SYCP2L: variants seen among roughly 807,000 people sequenced by gnomAD.
SYCP2L encodes the protein synaptonemal complex protein 2-like.
SYCP2L carries 98 observed loss-of-function variants against 125.8 expected under a neutral mutation model. The ratio of observed to expected loss-of-function variants is 0.78; its 90% CI spans 0.66 to 0.92. SYCP2L has a LOEUF of 0.92. Among genes scored for constraint, SYCP2L ranks in the 40% least tolerant of loss-of-function variants. The pLI is 0.00. For synonymous variants in SYCP2L, 317 were observed against 325.4 expected, an observed-to-expected ratio of 0.97 and a Z score of 0.28; for missense variants, 842 against 936.4, an observed-to-expected ratio of 0.90 and a Z score of 1.32.
chr6:10,891,613 C>CTGTGTG (rs3066124), intron 2 of SYCP2L, 32 bp downstream of exon 2: 66 of 119,474 alleles, frequency 5.5e-4, no homozygotes, highest in African/African-American at 2.2e-3. Context: ...TAATCTCTCT[C>CTGTGTG]TGTGTGTGTG....
intron 29 of SYCP2L, among the ~76,000 whole-genome samples, chr6:10,970,107 A>AAG (rs1781746278): frequency 6.6e-6 from 1 of 152,182 alleles, no homozygotes; most frequent in Non-Finnish European, 1.5e-5. Context: ...CACTGTGGAT[A>AAG]AGAGAGAGAC....
chr6:10,956,292 C>A, intron 25 of SYCP2L, 50 bp downstream of exon 25: 1 of 1,354,672 alleles, frequency 7.4e-7, no homozygotes, highest in Non-Finnish European at 1.0e-6. Flanking sequence ...ATCTGGAGGA[C>A]ATTATGCTAA....
At chr6:10,963,729 G>A in intron 28 of SYCP2L, 53 bp from the exon 29 acceptor site, 1 of 1,580,664 alleles carries the variant, frequency 6.3e-7, no homozygotes, top group Admixed American at 1.7e-5. Context: ...GTATGTTCTT[G>A]TTTTTAAATT....
In SYCP2L at chr6:10,910,841, G is replaced by C; in HGVS notation, c.890G>C (p.Cys297Ser). The stretch of plus-strand genomic sequence containing the variant: ...TTTTGCAGGGTGTATTCATTTCCGT[G>C]TATTGCTGCTTTTGCTGATGAGCAT... ...GDQRRVYSFP[C>S]IAAFADEHEM... is the part of the protein sequence containing the mutation. The change falls in exon 12 of 30, where the codon TGT becomes TCT. Residue 297 changes from cysteine to serine, a missense_variant. Transcript: ENST00000283141. The C allele has an allele frequency of 6.2e-7, 1 of 1,613,912 alleles. No individual in the cohort carries two copies. The highest frequency in any genetic ancestry group is 8.5e-7 in the Non-Finnish European group (1 of 1,179,948).
chr6:10,909,366 G>A (rs941791717), intron 10 of SYCP2L, among the ~76,000 whole-genome samples: 4 of 151,990 alleles, frequency 2.6e-5, no homozygotes, highest in Admixed American at 6.6e-5. Context: ...AACCTCAGGT[G>A]ATCTGCCCGC....
intron 20 of SYCP2L, among the ~76,000 whole-genome samples, chr6:10,934,270 C>T (rs960106784): frequency 7.2e-5 from 11 of 152,140 alleles, no homozygotes; most frequent in Non-Finnish European, 1.2e-4. Flanking sequence ...TGTTGTAGTT[C>T]CTAAGGAAAA....
intron 29 of SYCP2L, among the ~76,000 whole-genome samples, chr6:10,965,740 AT>A (rs1196502927): frequency 1.3e-5 from 2 of 152,242 alleles, no homozygotes; most frequent in Non-Finnish European, 2.9e-5. Context: ...ACATTTCCTA[AT>A]TTTAACATAA....
intron 8 of SYCP2L, among the ~76,000 whole-genome samples, chr6:10,904,087 A>C (rs528195778): frequency 1.3e-5 from 2 of 152,352 alleles, no homozygotes; most frequent in South Asian, 4.1e-4. Flanking sequence ...AGGTTAAATC[A>C]AGCAATCCAT....
At chr6:10,899,461 T>C (rs968308334) in intron 6 of SYCP2L, among the ~76,000 whole-genome samples, 1 of 152,094 alleles carries the variant, frequency 6.6e-6, no homozygotes, top group African/African-American at 2.4e-5. Flanking sequence ...GGTGGGAGGA[T>C]CACTTGAGCC....
chr6:10,922,460 A>G lies in SYCP2L; in HGVS notation c.1073-2036A>G, dbSNP rs371050716. 2.8e-3 allele frequency among the ~76,000 whole-genome samples: 417 copies of G among 146,812 alleles called. 2 individuals are homozygous for G. Among genetic ancestry groups the G allele is most frequent in the African/African-American group, 0.01 (405 of 40,114 alleles). On this transcript the variant is annotated intron_variant, in intron 14 of 29. Coordinates refer to ENST00000283141, the MANE Select transcript of SYCP2L (RefSeq NM_001040274.3). Reference sequence around the variant, plus strand: ...CATTGATCCCACGGCCCAGTTAGCTAGTTACTTTTTTTTTTTTTTTTTTGA... The same window carrying G: ...CATTGATCCCACGGCCCAGTTAGCTGGTTACTTTTTTTTTTTTTTTTTTGA...
At position 10,892,574 on chromosome 6, in the gene SYCP2L, C is replaced by T. The variant is rs116747733; in HGVS notation, c.78+993C>T. 5.3e-3 allele frequency among the ~76,000 whole-genome samples: 813 copies of T among 152,332 alleles called. 10 individuals carry two copies. The highest frequency in any genetic ancestry group is 0.019 in the African/African-American group (785 of 41,586). ...TTGGCCTCCTAAAGTGCTGGGATTACAGGCGTGAGCCCTGCGCCTGGTAAT... is the reference window on the plus strand; with the variant it reads ...TTGGCCTCCTAAAGTGCTGGGATTATAGGCGTGAGCCCTGCGCCTGGTAAT... On this transcript the variant is annotated intron_variant, in intron 2 of 29. Coordinates refer to ENST00000283141, the MANE Select transcript of SYCP2L (RefSeq NM_001040274.3).
chr6:10,964,294 A>G (rs1781643047), intron 29 of SYCP2L, among the ~76,000 whole-genome samples: 2 of 152,112 alleles, frequency 1.3e-5, no homozygotes, highest in African/African-American at 4.8e-5. Context: ...CATTTTAGAA[A>G]TTATCCTTTT....
At chr6:10,906,804 G>A (rs373195993) in intron 9 of SYCP2L, among the ~76,000 whole-genome samples, 1 of 151,804 alleles carries the variant, frequency 6.6e-6, no homozygotes, top group East Asian at 1.9e-4. Flanking sequence ...TCACCATGTT[G>A]GCCAGGCTGG....
chr6:10,903,737 C>T (rs1436140354), intron 8 of SYCP2L, among the ~76,000 whole-genome samples: 3 of 150,882 alleles, frequency 2.0e-5, no homozygotes, highest in African/African-American at 4.9e-5. Flanking sequence ...GGTGATAGAG[C>T]GAGACTCTGT....
chr6:10,968,293 G>A (rs1442979581), intron 29 of SYCP2L, among the ~76,000 whole-genome samples: 2 of 152,206 alleles, frequency 1.3e-5, no homozygotes, highest in Non-Finnish European at 2.9e-5. Flanking sequence ...AGAAGCCAGA[G>A]CTTGAAAACG....
chr6:10,969,279 AT>A (rs1281352337), intron 29 of SYCP2L, among the ~76,000 whole-genome samples: 2 of 150,256 alleles, frequency 1.3e-5, no homozygotes, highest in Non-Finnish European at 3.0e-5. Context: ...TGAGTAGGTG[AT>A]TTTTTTAAAA....
chr6:10,961,866 T>C (rs1243506251), intron 28 of SYCP2L, among the ~76,000 whole-genome samples: 1 of 152,222 alleles, frequency 6.6e-6, no homozygotes, highest in Non-Finnish European at 1.5e-5. Flanking sequence ...TGTTTAGGTT[T>C]CTAAGTAAAC....
At chr6:10,911,706 C>G (rs888744188) in intron 12 of SYCP2L, among the ~76,000 whole-genome samples, 1 of 152,020 alleles carries the variant, frequency 6.6e-6, no homozygotes, top group East Asian at 1.9e-4. Context: ...CATCAGGGCC[C>G]TTACCCTGAC....
intron 29 of SYCP2L, among the ~76,000 whole-genome samples, chr6:10,970,709 A>ATATG (rs1461935844): frequency 6.6e-6 from 1 of 152,192 alleles, no homozygotes; most frequent in Non-Finnish European, 1.5e-5. Context: ...GATTCAGGAC[A>ATATG]TGCATTCCAT....
Sources: gnomAD v4.1 joint callset for allele counts (sites outside exome capture counted in the v4.1 genomes callset) on GRCh38, gnomAD v4.1.1 for gene constraint, MANE v1.5 for transcripts, NCBI Gene and HGNC (gene_info 2026-07-23, HGNC 2026-07-21) for gene names.